CCDC93: variants seen among roughly 807,000 people sequenced by gnomAD.
CCDC93 encodes the protein coiled-coil domain-containing protein 93.
In CCDC93, 61 loss-of-function variants were observed where a neutral mutation model predicts 108.2. The observed-to-expected ratio is 0.56, with a 90% CI of 0.46 to 0.70. The LOEUF is 0.70. Among genes scored for constraint, CCDC93 ranks in the 30% least tolerant of loss-of-function variants. CCDC93 has a pLI of 0.00. For synonymous variants in CCDC93, 276 were observed against 260.4 expected (o/e 1.06, Z -0.58); for missense variants, 685 against 764.2 (o/e 0.90, Z 1.22).
Position 117,916,412 on chromosome 2 carries a change from A to G in CCDC93, c.*3931T>C, listed in dbSNP as rs1194231901. 6.6e-6 allele frequency: 1 copy of G among 152,204 alleles called. No individual in the cohort carries two copies. The highest frequency in any genetic ancestry group is 1.5e-5 in the Non-Finnish European group (1 of 68,038). The allele number at this position is 152,204 out of a possible 1,614,324, so 9.4% of individuals were successfully genotyped here. ...GACACCTTGTTTCATCTCAAACTTC[A>G]AGGTTACAGTATAACATACTCTGAG... On this transcript the variant is annotated 3_prime_UTR_variant, in exon 24 of 24. Transcript: ENST00000376300.
chr2:117,984,386 A>T (rs1680250350), intron 7 of CCDC93, among the ~76,000 whole-genome samples: 1 of 152,154 alleles, frequency 6.6e-6, no homozygotes, highest in Admixed American at 6.5e-5. Flanking sequence ...TTCCTTTCCT[A>T]AAGAGGCCAA....
chr2:117,989,636 T>C (rs945711596), intron 6 of CCDC93, among the ~76,000 whole-genome samples: 3 of 152,224 alleles, frequency 2.0e-5, no homozygotes, highest in African/African-American at 7.2e-5. Context: ...GCTTGCTCCA[T>C]TGCTTACTAT....
chr2:117,955,725 A>T (rs1330073897), intron 12 of CCDC93, among the ~76,000 whole-genome samples: 1 of 152,180 alleles, frequency 6.6e-6, no homozygotes, highest in Non-Finnish European at 1.5e-5. Context: ...TATAAAGCAC[A>T]TAGTAATTAC....
intron 1 of CCDC93, among the ~76,000 whole-genome samples, chr2:118,009,717 T>G (rs575908793): frequency 5.6e-4 from 85 of 152,262 alleles, no homozygotes; most frequent in African/African-American, 2.0e-3. Flanking sequence ...CAGAAGTTAC[T>G]GACAACAGGC....
At chr2:117,965,990 G>A (rs1181837010) in intron 11 of CCDC93, among the ~76,000 whole-genome samples, 5 of 152,274 alleles carry the variant, frequency 3.3e-5, no homozygotes, top group Middle Eastern at 6.8e-3. Context: ...TACAAACCCA[G>A]GGTGGAGAAA....
At chr2:117,977,872 G>A in intron 8 of CCDC93, 122 bp downstream of exon 8, 2 of 837,608 alleles carry the variant, frequency 2.4e-6, no homozygotes, top group Non-Finnish European at 4.0e-6. Context: ...GGGGCCAAAG[G>A]CAGCTCACAC....
chr2:117,987,888 T>C (rs1283388444), intron 6 of CCDC93, among the ~76,000 whole-genome samples: 3 of 152,148 alleles, frequency 2.0e-5, no homozygotes, highest in Admixed American at 6.5e-5. Flanking sequence ...TTCTGCTGTA[T>C]CTGTGCTGTC....
rs368218819 is a variant in CCDC93 at position 117,996,367 on chromosome 2, G to A, written c.364-5C>T. ...TATAGCTCGTTTCACCAGCCACTGG[G>A]GAAGAAAGTGAAAAGACAAGAGTTG... On this transcript the variant is annotated splice_region_variant and splice_polypyrimidine_tract_variant and intron_variant, in intron 4 of 23. Transcript: ENST00000376300. 2.6e-5 allele frequency: 41 copies of A among 1,603,300 alleles called. No homozygotes were observed. In the African/African-American group the frequency reaches 4.6e-4, roughly 18 times the overall value.
chr2:117,964,346 G>A (rs1679488004), intron 11 of CCDC93, among the ~76,000 whole-genome samples: 1 of 152,148 alleles, frequency 6.6e-6, no homozygotes, highest in African/African-American at 2.4e-5. Context: ...GTGTCACAGA[G>A]GAAAAGGGTT....
rs1223907509 is a variant in CCDC93, at chr2:117,944,183, C to T, written c.1351-97G>A. The T allele has an allele frequency of 8.5e-6, 7 of 824,304 alleles. No individual in the cohort carries two copies. In the Admixed American group the frequency reaches 1.7e-4, roughly 20 times the overall value. 51.1% of individuals were successfully genotyped at this position (824,304 alleles called of 1,614,324 possible). On this transcript the variant is annotated intron_variant, in intron 17 of 23. Coordinates refer to ENST00000376300, the MANE Select transcript of CCDC93 (RefSeq NM_019044.5). ...TGAATATGTTTTTATCATATCTCCC[C>T]CATCCTAAGGCCTTAAATTTCTCTT...
chr2:117,933,457 AG>A (rs1211151313), intron 22 of CCDC93, among the ~76,000 whole-genome samples: 9 of 152,206 alleles, frequency 5.9e-5, no homozygotes, highest in Non-Finnish European at 1.0e-4. Flanking sequence ...ACTTGCTCAC[AG>A]TATTCCAGAG....
At chr2:117,983,001 C>T (rs1327546787) in intron 7 of CCDC93, among the ~76,000 whole-genome samples, 1 of 152,190 alleles carries the variant, frequency 6.6e-6, no homozygotes, top group African/African-American at 2.4e-5. Flanking sequence ...GAATTAAAGG[C>T]ACTTGAAGGT....
At chr2:117,963,934 G>C (rs1306060448) in intron 11 of CCDC93, among the ~76,000 whole-genome samples, 1 of 152,220 alleles carries the variant, frequency 6.6e-6, no homozygotes, top group Non-Finnish European at 1.5e-5. Context: ...AAGTTGTGCT[G>C]TGTGGCTTGA....
chr2:117,958,853 T>A (rs1314487929), intron 11 of CCDC93, among the ~76,000 whole-genome samples: 1 of 152,238 alleles, frequency 6.6e-6, no homozygotes, highest in Non-Finnish European at 1.5e-5. Flanking sequence ...ATGAATTGAT[T>A]CACTGTGATC....
At chr2:117,920,688 A>T (rs1168128501) in intron 23 of CCDC93, among the ~76,000 whole-genome samples, 1 of 152,234 alleles carries the variant, frequency 6.6e-6, no homozygotes, top group Non-Finnish European at 1.5e-5. Flanking sequence ...TCAAGGGGAT[A>T]GAAGCAGAAA....
intron 20 of CCDC93, 28 bp downstream of exon 20, chr2:117,939,001 G>T: frequency 1.6e-6 from 2 of 1,254,504 alleles, no homozygotes; most frequent in Non-Finnish European, 2.3e-6. Context: ...TAGCTGCTTA[G>T]CCATTTTCTT....
chr2:117,929,532 A>C (rs548114968), intron 23 of CCDC93, among the ~76,000 whole-genome samples: 1 of 152,168 alleles, frequency 6.6e-6, no homozygotes, highest in African/African-American at 2.4e-5. Context: ...TTTCCATTTC[A>C]TTTTCAATTG....
intron 6 of CCDC93, among the ~76,000 whole-genome samples, chr2:117,986,825 T>G (rs1475857304): frequency 6.6e-6 from 1 of 152,170 alleles, no homozygotes; most frequent in Non-Finnish European, 1.5e-5. Flanking sequence ...CCCAGTTTAC[T>G]GCTGGTGTCT....
chr2:117,925,168 T>A, intron 23 of CCDC93, among the ~76,000 whole-genome samples: 1 of 152,286 alleles, frequency 6.6e-6, no homozygotes, highest in East Asian at 1.9e-4. Context: ...TGCAAAAACA[T>A]GCCAAATTGT....
Sources: gnomAD v4.1 joint callset for allele counts (sites outside exome capture counted in the v4.1 genomes callset) on GRCh38, gnomAD v4.1.1 for gene constraint, MANE v1.5 for transcripts, NCBI Gene and HGNC (gene_info 2026-07-23, HGNC 2026-07-21) for gene names.